The following AGBL4 variants were observed in gnomAD, a reference collection of about 807,000 sequenced individuals.
The protein encoded by AGBL4 is AGBL carboxypeptidase 4.
Under a neutral mutation model 66.4 loss-of-function variants are expected in AGBL4, and 58 were observed. That is an observed-to-expected ratio of 0.87 (90% confidence interval 0.71 to 1.09). The LOEUF (loss-of-function observed/expected upper bound fraction) is 1.09, where lower values mean the gene tolerates loss of function less well. Among genes scored for constraint, AGBL4 ranks in the 50% least tolerant of loss-of-function variants. The probability of loss-of-function intolerance (pLI) is 0.00; values close to 1 mark genes in which losing one functional copy is unlikely to be tolerated. For missense variants in AGBL4, 579 were observed against 631.0 expected (o/e 0.92, Z 0.88); for synonymous variants, 234 against 222.9 (o/e 1.05, Z -0.44).
chr1:49,713,921 G>A (rs939800341), intron 2 of AGBL4, among the ~76,000 whole-genome samples: 2 of 151,974 alleles, frequency 1.3e-5, no homozygotes, highest in African/African-American at 4.8e-5. Context: ...GTGCCACTGT[G>A]CCTGGCTTTA....
chr1:49,264,837 G>A (rs932348271), intron 3 of AGBL4, among the ~76,000 whole-genome samples: 1 of 152,102 alleles, frequency 6.6e-6, no homozygotes, highest in Non-Finnish European at 1.5e-5. Context: ...GAGCCACCAC[G>A]CCCGGCCCTC....
At chr1:49,785,283 A>G (rs1401152571) in intron 2 of AGBL4, among the ~76,000 whole-genome samples, 2 of 152,046 alleles carry the variant, frequency 1.3e-5, no homozygotes, top group Admixed American at 1.3e-4. Context: ...GACATTAGAA[A>G]TGATAATGTA....
intron 3 of AGBL4, among the ~76,000 whole-genome samples, chr1:49,572,778 C>A (rs576880890): frequency 1.3e-5 from 2 of 152,098 alleles, no homozygotes; most frequent in Admixed American, 1.3e-4. Flanking sequence ...TTGAAGGATA[C>A]AAAGTATTAA....
At chr1:49,440,350 G>C (rs552170275) in intron 3 of AGBL4, among the ~76,000 whole-genome samples, 1 of 152,180 alleles carries the variant, frequency 6.6e-6, no homozygotes, top group Non-Finnish European at 1.5e-5. Flanking sequence ...TTACAGGCGT[G>C]AGCCACTGCG....
At chr1:49,358,654 A>G (rs963752131) in intron 3 of AGBL4, among the ~76,000 whole-genome samples, 1 of 151,594 alleles carries the variant, frequency 6.6e-6, no homozygotes, top group Non-Finnish European at 1.5e-5. Context: ...GAACATTTAG[A>G]AAAAAAAATG....
chr1:49,137,822 C>A (rs1011215472), intron 4 of AGBL4, among the ~76,000 whole-genome samples: 2 of 151,996 alleles, frequency 1.3e-5, no homozygotes, highest in African/African-American at 2.4e-5. Context: ...AAATCAAGAC[C>A]TACAAAACCA....
chr1:49,367,638 C>T (rs1467677170), intron 3 of AGBL4, among the ~76,000 whole-genome samples: 3 of 152,204 alleles, frequency 2.0e-5, no homozygotes, highest in Admixed American at 6.5e-5. Flanking sequence ...CCATCGTGTG[C>T]AAGCCAAAGT....
intron 3 of AGBL4, among the ~76,000 whole-genome samples, chr1:49,664,564 C>T (rs1047754947): frequency 6.6e-6 from 1 of 151,990 alleles, no homozygotes; most frequent in Non-Finnish European, 1.5e-5. Flanking sequence ...AGTAATAAAG[C>T]ATCAGCAAAA....
intron 3 of AGBL4, among the ~76,000 whole-genome samples, chr1:49,632,756 T>G (rs752510784): frequency 1.4e-4 from 21 of 152,162 alleles, no homozygotes; most frequent in Non-Finnish European, 2.9e-4. Flanking sequence ...CACCATTACA[T>G]CCTCTATGGG....
At chr1:48,799,348 T>C (rs1645759642) in intron 6 of AGBL4, among the ~76,000 whole-genome samples, 1 of 152,238 alleles carries the variant, frequency 6.6e-6, no homozygotes, top group Non-Finnish European at 1.5e-5. Flanking sequence ...TGATTTTGTA[T>C]CCTGAAACTT....
intron 4 of AGBL4, among the ~76,000 whole-genome samples, chr1:49,166,235 T>C (rs1174299941): frequency 1.3e-5 from 2 of 152,158 alleles, no homozygotes; most frequent in Middle Eastern, 3.2e-3. Flanking sequence ...ATTATGTGTT[T>C]AATTTTACTT....
At chr1:48,922,788 AT>A (rs1396745291) in intron 5 of AGBL4, among the ~76,000 whole-genome samples, 1 of 152,156 alleles carries the variant, frequency 6.6e-6, no homozygotes, top group Non-Finnish European at 1.5e-5. Flanking sequence ...TCAAAGGAAT[AT>A]TCACATCATG....
chr1:49,885,064 C>A (rs1647872205), intron 1 of AGBL4, among the ~76,000 whole-genome samples: 1 of 151,806 alleles, frequency 6.6e-6, no homozygotes, highest in Non-Finnish European at 1.5e-5. Context: ...AAATTATGAG[C>A]AGTTCATATT....
intron 6 of AGBL4, among the ~76,000 whole-genome samples, chr1:48,826,341 G>C (rs1176302039): frequency 1.3e-5 from 2 of 152,162 alleles, no homozygotes; most frequent in Non-Finnish European, 2.9e-5. Flanking sequence ...TGCTGAATTG[G>C]CTGGCACTGT....
intron 3 of AGBL4, among the ~76,000 whole-genome samples, chr1:49,525,800 C>T (rs1291698518): frequency 6.6e-6 from 1 of 151,890 alleles, no homozygotes; most frequent in Non-Finnish European, 1.5e-5. Flanking sequence ...AAACATTAGG[C>T]CTCTGCACCG....
chr1:49,174,198 T>A (rs917569387), intron 4 of AGBL4, among the ~76,000 whole-genome samples: 1 of 152,144 alleles, frequency 6.6e-6, no homozygotes, highest in African/African-American at 2.4e-5. Flanking sequence ...TGTATCATAT[T>A]TGTATGCTGA....
intron 3 of AGBL4, among the ~76,000 whole-genome samples, chr1:49,653,401 A>G (rs1646049504): frequency 6.6e-6 from 1 of 152,084 alleles, no homozygotes; most frequent in South Asian, 2.1e-4. Context: ...AAAAAGCCAG[A>G]GTGCCTCTTC....
intron 3 of AGBL4, among the ~76,000 whole-genome samples, chr1:49,405,235 T>C (rs1359701902): frequency 6.6e-6 from 1 of 152,172 alleles, no homozygotes; most frequent in African/African-American, 2.4e-5. Context: ...CCTCTTTTCA[T>C]ATTTAACTGC....
rs1237129922 is a variant in AGBL4, at chr1:48,995,117, C to G, written c.594+50467G>C. ...TGGCTGTGTACCTCTCTTCATTCCTCCAGCCCTGATGGACCATGTGACATA... is the reference window on the plus strand; with the variant it reads ...TGGCTGTGTACCTCTCTTCATTCCTGCAGCCCTGATGGACCATGTGACATA... On this transcript the variant is annotated intron_variant, in intron 5 of 13. Coordinates refer to ENST00000371839, the MANE Select transcript of AGBL4 (RefSeq NM_032785.4). Among the ~76,000 whole-genome samples the G allele has an allele frequency of 4.6e-5, 7 of 152,332 alleles. No homozygotes were observed. In the East Asian group the frequency reaches 7.7e-4, roughly 17 times the overall value.
Sources: allele counts gnomAD v4.1 joint callset (sites outside exome capture counted in the v4.1 genomes callset), GRCh38; gene constraint gnomAD v4.1.1; transcripts MANE v1.5; gene names NCBI Gene and HGNC (gene_info 2026-07-23, HGNC 2026-07-21).